MIS18A: variants seen among roughly 807,000 people sequenced by gnomAD.
The protein encoded by MIS18A is protein Mis18-alpha.
Under a neutral mutation model 25.0 loss-of-function variants are expected in MIS18A, and 14 were observed. The ratio of observed to expected loss-of-function variants is 0.56; its 90% CI spans 0.37 to 0.88. The LOEUF is 0.88. Among genes scored for constraint, MIS18A ranks in the 40% least tolerant of loss-of-function variants. The probability of loss-of-function intolerance (pLI) is 0.00; values close to 1 mark genes in which losing one functional copy is unlikely to be tolerated. For synonymous variants in MIS18A, 134 were observed against 118.6 expected (o/e 1.13, Z -0.84); for missense variants, 292 against 290.8 (o/e 1.00, Z -0.03).
chr21:32,163,826 G>A, the MIS18A span, among the ~76,000 whole-genome samples: 3 of 152,148 alleles, frequency 2.0e-5, no homozygotes, highest in Admixed American at 6.5e-5. Flanking sequence ...TAACATGGTG[G>A]TTGTCTTCAT....
the MIS18A span, among the ~76,000 whole-genome samples, chr21:32,201,591 C>T: frequency 3.9e-5 from 6 of 152,034 alleles, no homozygotes; most frequent in South Asian, 2.1e-4. Context: ...GAGGCCGAGG[C>T]GGGAAGATCA....
intron 2 of MIS18A, among the ~76,000 whole-genome samples, chr21:32,271,712 A>C (rs1246867699): frequency 6.6e-6 from 1 of 152,174 alleles, no homozygotes; most frequent in Non-Finnish European, 1.5e-5. Flanking sequence ...CCCAAATGTG[A>C]GATTACTGGC....
the MIS18A span, among the ~76,000 whole-genome samples, chr21:32,193,127 A>G: frequency 2.6e-5 from 4 of 152,166 alleles, no homozygotes; most frequent in African/African-American, 9.7e-5. Flanking sequence ...GAGCTGAAGC[A>G]ATTCCCTTGC....
chr21:32,211,048 T>A, the MIS18A span, among the ~76,000 whole-genome samples: 1 of 152,188 alleles, frequency 6.6e-6, no homozygotes, highest in African/African-American at 2.4e-5. Context: ...AGATTTTTTC[T>A]TTTTTTCCTT....
the MIS18A span, among the ~76,000 whole-genome samples, chr21:32,252,083 G>C: frequency 3.5e-4 from 54 of 152,222 alleles, no homozygotes; most frequent in East Asian, 6.4e-3. Flanking sequence ...CTACTCAGAA[G>C]GGTGAGGCCA....
At chr21:32,157,399 A>T in the MIS18A span, among the ~76,000 whole-genome samples, 1 of 151,688 alleles carries the variant, frequency 6.6e-6, no homozygotes, top group Non-Finnish European at 1.5e-5. Flanking sequence ...ACCTTTGTCC[A>T]TTAGTGATTG....
chr21:32,269,124 A>T lies in MIS18A; in HGVS notation c.622-7T>A. ...CTTTCAAGACATCTTCCATCTATTG[A>T]ATTTAAAAAATAAAAAAATAAAGAA... On this transcript the variant is annotated splice_region_variant and splice_polypyrimidine_tract_variant and intron_variant, in intron 4 of 4. Transcript: ENST00000290130. 2 of 1,568,208 alleles carry T rather than the reference A, an allele frequency of 1.3e-6. No homozygotes were observed. The highest frequency in any genetic ancestry group is 8.7e-7 in the Non-Finnish European group (1 of 1,152,660).
downstream of MIS18A, among the ~76,000 whole-genome samples, chr21:32,266,048 C>T (rs182620830): frequency 3.3e-5 from 5 of 151,362 alleles, no homozygotes; most frequent in Admixed American, 2.0e-4. Context: ...CTGGCAAGGA[C>T]GTGGAGAACC....
At chr21:32,276,238 A>C (rs934879793) in intron 1 of MIS18A, among the ~76,000 whole-genome samples, 1 of 151,856 alleles carries the variant, frequency 6.6e-6, no homozygotes, top group African/African-American at 2.4e-5. Context: ...AGGCAGGCGG[A>C]TCATGAGGTC....
At position 32,278,829 on chromosome 21, in the gene MIS18A, G is replaced by A. The variant is rs756509719; in HGVS notation, c.186C>T (p.Ala62=). ...CCTCCAGCTGCGCCCTCTCCATGTC[G>A]GCCACCGACGCGTCTTCGCTCATGG... ...WSSMSEDASV[A]DMERAQLEEE... is the part of the protein sequence containing the mutation. Residue 62 remains alanine, a synonymous_variant, in exon 1 of 5, where the codon GCC becomes GCT. Coordinates refer to ENST00000290130, the MANE Select transcript of MIS18A (RefSeq NM_018944.3). 1.2e-6 allele frequency: 2 copies of A among 1,604,114 alleles called. No individual in the cohort carries two copies. The highest frequency in any genetic ancestry group is 1.7e-6 in the Non-Finnish European group (2 of 1,176,696).
At chr21:32,224,063 A>C in the MIS18A span, among the ~76,000 whole-genome samples, 1 of 152,180 alleles carries the variant, frequency 6.6e-6, no homozygotes, top group Non-Finnish European at 1.5e-5. Flanking sequence ...AAAGCCCTTC[A>C]ATAAAATTCA....
At chr21:32,157,054 C>CTTTT in the MIS18A span, among the ~76,000 whole-genome samples, 30 of 121,518 alleles carry the variant, frequency 2.5e-4, no homozygotes, top group Non-Finnish European at 3.3e-4. Flanking sequence ...TTCTTTCTTT[C>CTTTT]TTTTTTTTTT....
the MIS18A span, among the ~76,000 whole-genome samples, chr21:32,168,925 T>G: frequency 9.9e-5 from 15 of 152,138 alleles, no homozygotes; most frequent in Non-Finnish European, 1.6e-4. Context: ...CAATTAAAAA[T>G]CAAAGATTGG....
the MIS18A span, among the ~76,000 whole-genome samples, chr21:32,247,396 C>T: frequency 6.6e-6 from 1 of 152,088 alleles, no homozygotes; most frequent in Admixed American, 6.5e-5. Flanking sequence ...AAAAGAGTAC[C>T]AAAATTTGAA....
At chr21:32,278,610 G>A in intron 1 of MIS18A, 71 bp downstream of exon 1, 2 of 1,404,014 alleles carry the variant, frequency 1.4e-6, no homozygotes, top group East Asian at 5.1e-5. Flanking sequence ...CCTCCTCCCG[G>A]GCCGCCCACG....
the MIS18A span, among the ~76,000 whole-genome samples, chr21:32,183,765 G>T: frequency 6.6e-6 from 1 of 152,180 alleles, no homozygotes; most frequent in African/African-American, 2.4e-5. Context: ...CATGTATAGA[G>T]ATTTGCCTCT....
the MIS18A span, among the ~76,000 whole-genome samples, chr21:32,248,789 G>A: frequency 1.3e-5 from 2 of 152,068 alleles, no homozygotes; most frequent in African/African-American, 2.4e-5. Flanking sequence ...CTTCCCCAGC[G>A]GAACTTCATA....
the MIS18A span, among the ~76,000 whole-genome samples, chr21:32,201,430 C>T: frequency 6.6e-6 from 1 of 152,294 alleles, no homozygotes; most frequent in African/African-American, 2.4e-5. Flanking sequence ...AAACTTTTCT[C>T]TTGAGATTTT....
At chr21:32,175,644 C>A in the MIS18A span, among the ~76,000 whole-genome samples, 2 of 50,224 alleles carry the variant, frequency 4.0e-5, no homozygotes, top group Non-Finnish European at 3.5e-5. Context: ...CCGGTCTCTA[C>A]TGAAAAAAAA....
Sources: allele counts gnomAD v4.1 joint callset (sites outside exome capture counted in the v4.1 genomes callset), GRCh38; gene constraint gnomAD v4.1.1; transcripts MANE v1.5; gene names NCBI Gene and HGNC (gene_info 2026-07-23, HGNC 2026-07-21).